The following VEPH1 variants were observed in gnomAD, a reference collection of about 807,000 sequenced individuals.
VEPH1 encodes ventricular zone expressed PH domain containing 1.
Under a neutral mutation model 85.2 loss-of-function variants are expected in VEPH1, and 80 were observed. The ratio of observed to expected loss-of-function variants is 0.94; its 90% CI spans 0.78 to 1.13. The LOEUF (loss-of-function observed/expected upper bound fraction) is 1.13. VEPH1 is among the 50% of genes most tolerant of loss of function. The pLI is 0.00. For missense variants in VEPH1, 955 were observed against 980.5 expected (o/e 0.97, Z 0.35); for synonymous variants, 297 against 348.0 (o/e 0.85, Z 1.63).
chr3:157,374,392 T>C (rs1275088445), intron 7 of VEPH1, among the ~76,000 whole-genome samples: 1 of 152,252 alleles, frequency 6.6e-6, no homozygotes, highest in Non-Finnish European at 1.5e-5. Flanking sequence ...ATGTCCCATG[T>C]TTTTAATTAT....
chr3:157,442,987 G>C (rs373942546), intron 4 of VEPH1: 2 of 1,580,960 alleles, frequency 1.3e-6, no homozygotes, highest in African/African-American at 2.7e-5. Flanking sequence ...TAAATGTTGT[G>C]AAACTCCACT....
intron 4 of VEPH1, among the ~76,000 whole-genome samples, chr3:157,446,523 T>C (rs1465017427): frequency 1.3e-5 from 2 of 152,252 alleles, no homozygotes; most frequent in African/African-American, 4.8e-5. Flanking sequence ...TATTTACAAT[T>C]ACTTGATTGA....
rs557983325 is a variant in VEPH1 at position 157,315,233 on chromosome 3, T to TATC, written c.1876-1481_1876-1479dup. 1.8e-3 allele frequency among the ~76,000 whole-genome samples: 267 copies of TATC among 152,180 alleles called. 2 individuals carry two copies. The highest frequency in any genetic ancestry group is 0.017 in the Middle Eastern group (5 of 294). ...TACTATTCCAGAAAAATTTTATTAT[T>TATC]ATCAAAATAAACTATTTCTAGTACT... On this transcript the variant is annotated intron_variant, in intron 10 of 13. Transcript: ENST00000362010.
intron 7 of VEPH1, among the ~76,000 whole-genome samples, chr3:157,371,036 T>C (rs1727426709): frequency 6.6e-6 from 1 of 152,224 alleles, no homozygotes; most frequent in South Asian, 2.1e-4. Flanking sequence ...ATTCAAGGCA[T>C]GGTAAAACCC....
At chr3:157,311,589 A>C (rs937949657) in intron 11 of VEPH1, among the ~76,000 whole-genome samples, 3 of 152,248 alleles carry the variant, frequency 2.0e-5, no homozygotes, top group Non-Finnish European at 2.9e-5. Flanking sequence ...AAACTTTAAA[A>C]AATTTTATAT....
chr3:157,466,803 A>T (rs1284295841), intron 3 of VEPH1, among the ~76,000 whole-genome samples: 1 of 152,226 alleles, frequency 6.6e-6, no homozygotes, highest in Non-Finnish European at 1.5e-5. Context: ...TCTATTTTAC[A>T]CATAAGTTGA....
intron 9 of VEPH1, among the ~76,000 whole-genome samples, chr3:157,336,930 C>T (rs991173250): frequency 6.6e-6 from 1 of 152,090 alleles, no homozygotes; most frequent in East Asian, 1.9e-4. Flanking sequence ...ACTACTTGGA[C>T]TTTTATATGG....
At chr3:157,418,339 T>G (rs1732076163) in intron 5 of VEPH1, among the ~76,000 whole-genome samples, 1 of 152,174 alleles carries the variant, frequency 6.6e-6, no homozygotes, top group Non-Finnish European at 1.5e-5. Flanking sequence ...AGTTTGGCAT[T>G]TTGTCATTGA....
intron 2 of VEPH1, among the ~76,000 whole-genome samples, chr3:157,475,146 AT>A (rs1241287770): frequency 4.4e-5 from 6 of 136,812 alleles, no homozygotes; most frequent in African/African-American, 1.8e-4. Flanking sequence ...TTCCCAGCTA[AT>A]TTTTTTAATT....
In VEPH1 at chr3:157,495,490, G is replaced by GTCT. The variant is rs1187807368; in HGVS notation, c.-144_-142dup. 2.7e-6 allele frequency: 4 copies of GTCT among 1,490,430 alleles called. No individual in the cohort carries two copies. In the African/African-American group the frequency reaches 5.6e-5, roughly 21 times the overall value. The allele number at this position is 1,490,430 out of a possible 1,614,324, so 92.3% of individuals were successfully genotyped here. A position where few individuals can be genotyped will look rare whatever the true frequency, so the allele number is the denominator to read the frequency against. Reference sequence around the variant, plus strand: ...AGGTCATTTTTCTCCAGACTTTGAGGTCTTCATTGACACTCTCTGCAAGGG... The same window carrying GTCT: ...AGGTCATTTTTCTCCAGACTTTGAGGTCTTCTTCATTGACACTCTCTGCAAGGG... On this transcript the variant is annotated 5_prime_UTR_variant, in exon 2 of 14. Coordinates refer to ENST00000362010, the MANE Select transcript of VEPH1 (RefSeq NM_001167912.2).
At position 157,343,095 on chromosome 3, in the gene VEPH1, C is replaced by T. The variant is rs1477297121; in HGVS notation, c.1735+20269G>A. ...AAGCAGGAAAGATCTAAAATTGACA[C>T]CCTAACATCACAATTAAAAGAACTA... On this transcript the variant is annotated intron_variant, in intron 9 of 13. Coordinates refer to ENST00000362010, the MANE Select transcript of VEPH1 (RefSeq NM_001167912.2). Among the ~76,000 whole-genome samples the T allele has an allele frequency of 2.0e-5, 3 of 152,130 alleles. No individual in the cohort carries two copies. In the East Asian group the frequency reaches 5.8e-4, roughly 29 times the overall value.
At chr3:157,479,388 C>A (rs1216642819) in intron 2 of VEPH1, among the ~76,000 whole-genome samples, 3 of 152,138 alleles carry the variant, frequency 2.0e-5, no homozygotes, top group Non-Finnish European at 4.4e-5. Flanking sequence ...TTGTGCTGCT[C>A]CAGGCTTGTT....
intron 6 of VEPH1, among the ~76,000 whole-genome samples, chr3:157,386,309 G>GC (rs1560018793): frequency 7.1e-6 from 1 of 139,914 alleles, no homozygotes; most frequent in Non-Finnish European, 1.5e-5. Flanking sequence ...ATAACACAAG[G>GC]TTTTTTTTTC....
At chr3:157,395,857 C>T (rs1730327959) in intron 6 of VEPH1, among the ~76,000 whole-genome samples, 8 of 152,106 alleles carry the variant, frequency 5.3e-5, no homozygotes, top group Admixed American at 5.2e-4. Flanking sequence ...GCTCCTCTCC[C>T]TCTTCCCACC....
At chr3:157,272,468 CT>C (rs375985657) in intron 12 of VEPH1, among the ~76,000 whole-genome samples, 5,004 of 117,898 alleles carry the variant, frequency 0.042, 143 homozygotes, top group South Asian at 0.1. Flanking sequence ...TTCTCCCTTT[CT>C]TTTTTTTTTT....
intron 2 of VEPH1, among the ~76,000 whole-genome samples, chr3:157,476,353 A>G (rs1403437858): frequency 1.3e-5 from 2 of 152,218 alleles, no homozygotes; most frequent in Admixed American, 6.5e-5. Flanking sequence ...TTTTCTGCCC[A>G]CAGGGCTTAA....
At chr3:157,489,325 A>G in intron 2 of VEPH1, 1 of 386,676 alleles carries the variant, frequency 2.6e-6, no homozygotes, top group Admixed American at 2.9e-5. Context: ...CAGAAACTCC[A>G]GCCTACAACC....
chr3:157,333,709 C>T (rs972363525), intron 9 of VEPH1, among the ~76,000 whole-genome samples: 2 of 152,218 alleles, frequency 1.3e-5, no homozygotes, highest in Non-Finnish European at 2.9e-5. Flanking sequence ...GCAGGCAAGC[C>T]GTGATCCCCT....
chr3:157,396,239 C>G (rs1220280987), intron 6 of VEPH1, among the ~76,000 whole-genome samples: 2 of 152,162 alleles, frequency 1.3e-5, no homozygotes, highest in Non-Finnish European at 2.9e-5. Flanking sequence ...CCAGCTCCAT[C>G]CATGTTCCTG....
Sources: gnomAD v4.1 joint callset for allele counts (sites outside exome capture counted in the v4.1 genomes callset) on GRCh38, gnomAD v4.1.1 for gene constraint, MANE v1.5 for transcripts, NCBI Gene and HGNC (gene_info 2026-07-23, HGNC 2026-07-21) for gene names.